COL5A2: variants seen among roughly 807,000 people sequenced by gnomAD.
The protein encoded by COL5A2 is collagen alpha-2(V) chain.
COL5A2 carries 23 observed loss-of-function variants against 208.2 expected under a neutral mutation model. The ratio of observed to expected loss-of-function variants is 0.11; its 90% CI spans 0.08 to 0.16. The LOEUF (loss-of-function observed/expected upper bound fraction) is 0.16. Ranked by LOEUF, COL5A2 falls within the 10% of genes least tolerant of loss-of-function variation. The pLI is 1.00. For missense variants in COL5A2, 1,590 were observed against 1,956.4 expected, an observed-to-expected ratio of 0.81 and a Z score of 3.53; for synonymous variants, 625 against 628.5, an observed-to-expected ratio of 0.99 and a Z score of 0.08.
chr2:189,209,241 G>A (rs1165236107), intron 1 of COL5A2, among the ~76,000 whole-genome samples: 2 of 152,042 alleles, frequency 1.3e-5, no homozygotes, highest in Non-Finnish European at 2.9e-5. Flanking sequence ...TGCTCTGACT[G>A]GCCCCTGACT....
chr2:189,078,703 G>A (rs922327274), intron 15 of COL5A2, 134 bp from the exon 16 acceptor site: 3 of 826,096 alleles, frequency 3.6e-6, no homozygotes, highest in African/African-American at 3.4e-5. Flanking sequence ...GGGCAATGTT[G>A]GGTTTGAAAA....
chr2:189,146,229 A>C (rs988636327), intron 1 of COL5A2, among the ~76,000 whole-genome samples: 1 of 152,162 alleles, frequency 6.6e-6, no homozygotes, highest in Non-Finnish European at 1.5e-5. Flanking sequence ...TAGAATAATT[A>C]GGGATCAAAT....
At chr2:189,383,028 G>A in the COL5A2 span, among the ~76,000 whole-genome samples, 2 of 152,142 alleles carry the variant, frequency 1.3e-5, no homozygotes, top group South Asian at 4.1e-4. Flanking sequence ...GGTGAGGCCA[G>A]CTCAGAGGAC....
chr2:189,320,664 T>C, the COL5A2 span, among the ~76,000 whole-genome samples: 6 of 152,192 alleles, frequency 3.9e-5, no homozygotes, highest in African/African-American at 7.2e-5. Context: ...TATGGGACTA[T>C]GTGAAAAGAC....
Position 189,214,532 on chromosome 2 carries a change from G to T in COL5A2, c.-42+10616C>A, listed in dbSNP as rs1187280107. Among the ~76,000 whole-genome samples, 4 of 152,028 alleles carry T rather than the reference G, an allele frequency of 2.6e-5. No homozygotes were observed. The East Asian group carries it at 7.7e-4, about 29-fold the overall frequency. ...AAAAATCCTCATAGAGTTTGTTTCTGGGAAGTGAAATTACAGAGTAATTTA... is the reference window on the plus strand; with the variant it reads ...AAAAATCCTCATAGAGTTTGTTTCTTGGAAGTGAAATTACAGAGTAATTTA... On this transcript the variant is annotated intron_variant, in intron 1 of 10. Coordinates refer to the COL5A2 transcript ENST00000649966.
At chr2:189,123,221 C>T (rs1018104657) in intron 1 of COL5A2, among the ~76,000 whole-genome samples, 2 of 152,164 alleles carry the variant, frequency 1.3e-5, no homozygotes, top group African/African-American at 4.8e-5. Flanking sequence ...ACCTCGGCCT[C>T]CCAAAGTGCT....
chr2:189,414,713 C>T, the COL5A2 span, among the ~76,000 whole-genome samples: 2 of 148,912 alleles, frequency 1.3e-5, no homozygotes, highest in Non-Finnish European at 3.0e-5. Context: ...GAGATCGCAC[C>T]ACCCCACTCC....
chr2:189,436,588 G>A, the COL5A2 span, among the ~76,000 whole-genome samples: 5 of 152,088 alleles, frequency 3.3e-5, no homozygotes, highest in East Asian at 3.9e-4. Flanking sequence ...TACTGAAGAC[G>A]TGGAATCAAC....
the COL5A2 span, among the ~76,000 whole-genome samples, chr2:189,300,433 T>TA: frequency 6.6e-5 from 10 of 152,232 alleles, no homozygotes; most frequent in East Asian, 1.9e-4. Flanking sequence ...TATTTAAAAA[T>TA]AAAAAAATGT....
the COL5A2 span, among the ~76,000 whole-genome samples, chr2:189,336,763 T>C: frequency 6.6e-6 from 1 of 152,204 alleles, no homozygotes; most frequent in East Asian, 1.9e-4. Context: ...TGTTATGTAT[T>C]GGTTTGAGTG....
Position 189,057,305 on chromosome 2 carries a change from A to AAC in COL5A2, c.2337+14_2337+15insGT. The AAC allele has an allele frequency of 6.7e-7, 1 of 1,485,642 alleles. No homozygotes were observed. The highest frequency in any genetic ancestry group is 2.3e-5 in the East Asian group (1 of 43,832). The allele number at this position is 1,485,642 out of a possible 1,614,324, so 92.0% of individuals were successfully genotyped here. On this transcript the variant is annotated intron_variant, in intron 34 of 53. Transcript: ENST00000374866. ...TAAATGAACTGAAAAAAAAAAAAAA[A>AAC]AAAAAAGGACTTACTCTGTCACCCT... is the stretch of plus-strand genomic sequence containing the variant.
chr2:189,289,159 T>A, the COL5A2 span, among the ~76,000 whole-genome samples: 1 of 151,966 alleles, frequency 6.6e-6, no homozygotes, highest in Non-Finnish European at 1.5e-5. Context: ...CTGGCCAACA[T>A]GGTGAAACCC....
At chr2:189,436,094 G>A in the COL5A2 span, among the ~76,000 whole-genome samples, 1,199 of 152,080 alleles carry the variant, frequency 7.9e-3, 17 homozygotes, top group African/African-American at 0.027. Context: ...ACCAAACACC[G>A]CATGTTCTCA....
At position 189,033,930 on chromosome 2, in the gene COL5A2, C is replaced by G. The variant is rs1476473836; in HGVS notation, c.*140G>C. The G allele has an allele frequency of 2.7e-6, 3 of 1,100,742 alleles. No individual in the cohort carries two copies. The highest frequency in any genetic ancestry group is 4.1e-6 in the Non-Finnish European group (3 of 728,240). 68.2% of individuals were successfully genotyped at this position (1,100,742 alleles called of 1,614,324 possible). On this transcript the variant is annotated 3_prime_UTR_variant, in exon 54 of 54. Transcript: ENST00000374866. ...TTCTGAAGGATAAGGAGGCCAGGCA[C>G]TTAAGACCATATATACAATGCTGAT...
At chr2:189,349,898 T>C in the COL5A2 span, among the ~76,000 whole-genome samples, 1 of 152,112 alleles carries the variant, frequency 6.6e-6, no homozygotes, top group Admixed American at 6.6e-5. Context: ...CTCAGCAATA[T>C]GCATTAGTAA....
chr2:189,139,450 C>T (rs1358541977), intron 1 of COL5A2, among the ~76,000 whole-genome samples: 1 of 151,988 alleles, frequency 6.6e-6, no homozygotes, highest in African/African-American at 2.4e-5. Flanking sequence ...CAGGCCAGTA[C>T]TCCTGAAAAA....
chr2:189,259,803 G>A, the COL5A2 span, among the ~76,000 whole-genome samples: 1 of 152,140 alleles, frequency 6.6e-6, no homozygotes, highest in Non-Finnish European at 1.5e-5. Flanking sequence ...ATTTTCAAGT[G>A]AAGATACTAG....
At chr2:189,147,717 C>G (rs1310336669) in intron 1 of COL5A2, among the ~76,000 whole-genome samples, 1 of 152,112 alleles carries the variant, frequency 6.6e-6, no homozygotes, top group Non-Finnish European at 1.5e-5. Flanking sequence ...GCTATAACGT[C>G]TCTAGAAAAA....
the COL5A2 span, among the ~76,000 whole-genome samples, chr2:189,247,476 A>G: frequency 1.3e-5 from 2 of 151,700 alleles, no homozygotes; most frequent in Non-Finnish European, 2.9e-5. Flanking sequence ...ACATGACCAC[A>G]TTTATTTTCC....
Sources: allele counts gnomAD v4.1 joint callset (sites outside exome capture counted in the v4.1 genomes callset), GRCh38; gene constraint gnomAD v4.1.1; transcripts MANE v1.5; gene names NCBI Gene and HGNC (gene_info 2026-07-23, HGNC 2026-07-21).